The following CALB2 variants were observed in gnomAD, a reference collection of about 807,000 sequenced individuals.
CALB2 encodes calbindin 2.
Under a neutral mutation model 45.9 loss-of-function variants are expected in CALB2, and 34 were observed. The observed-to-expected ratio is 0.74, with a 90% CI of 0.56 to 0.99. The LOEUF is 0.99. Among genes scored for constraint, CALB2 ranks in the 50% least tolerant of loss-of-function variants. The probability of loss-of-function intolerance (pLI) is 0.00; values close to 1 mark genes in which losing one functional copy is unlikely to be tolerated. For synonymous variants in CALB2, 142 were observed against 129.6 expected, an observed-to-expected ratio of 1.10 and a Z score of -0.65; for missense variants, 344 against 339.3, an observed-to-expected ratio of 1.01 and a Z score of -0.11.
At chr16:71,383,254 C>A (rs1474670878) in intron 5 of CALB2, 113 bp from the exon 6 acceptor site, 38 of 966,400 alleles carry the variant, frequency 3.9e-5, no homozygotes, top group Non-Finnish European at 1.6e-5. Context: ...AACTGGTAGA[C>A]CTGAAAAACA....
chr16:71,382,757 C>G lies in CALB2; in HGVS notation c.381C>G (p.Ile127Met). The G allele has an allele frequency of 1.2e-6, 2 of 1,611,770 alleles. No individual in the cohort carries two copies. The highest frequency in any genetic ancestry group is 1.7e-6 in the Non-Finnish European group (2 of 1,178,962). The change falls in exon 5 of 11, where the codon ATC (isoleucine) becomes ATG (methionine). Residue 127 changes from isoleucine to methionine, a missense_variant. This residue lies in a region of CALB2 where 263 missense variants were observed against 241.7 expected (regional missense o/e 1.09). Coordinates refer to ENST00000302628, the MANE Select transcript of CALB2 (RefSeq NM_001740.5). ...RKYDTDRSGYIEANELKGFLS... is the reference protein window; with the variant it reads ...RKYDTDRSGYMEANELKGFLS... Reference sequence around the variant, plus strand: ...ACGACACAGACAGGAGTGGCTACATCGAAGCCAATGAGCTCAAGGTAGGAT... The same window carrying G: ...ACGACACAGACAGGAGTGGCTACATGGAAGCCAATGAGCTCAAGGTAGGAT...
chr16:71,376,242 C>T (rs947606309), intron 3 of CALB2, among the ~76,000 whole-genome samples: 1 of 152,136 alleles, frequency 6.6e-6, no homozygotes, highest in African/African-American at 2.4e-5. Flanking sequence ...GGTGTGGCCA[C>T]GTCTTATAAA....
At chr16:71,360,001 G>T (rs1170614760) in intron 1 of CALB2, among the ~76,000 whole-genome samples, 1 of 152,232 alleles carries the variant, frequency 6.6e-6, no homozygotes, top group African/African-American at 2.4e-5. Context: ...CCACTGCACT[G>T]CACAGCCCCC....
intron 7 of CALB2, 122 bp from the exon 8 acceptor site, chr16:71,384,217 C>T: frequency 2.0e-6 from 2 of 1,002,128 alleles, no homozygotes; most frequent in Non-Finnish European, 1.6e-6. Context: ...CCCACTGATT[C>T]ATTATGTGTG....
At chr16:71,377,638 CGTT>C in intron 3 of CALB2, 26 bp from the exon 4 acceptor site, 1 of 1,544,344 alleles carries the variant, frequency 6.5e-7, no homozygotes, top group South Asian at 1.1e-5. Flanking sequence ...CCCTCCATAA[CGTT>C]AGTGTCGCTC....
intron 9 of CALB2, among the ~76,000 whole-genome samples, chr16:71,385,162 G>A (rs1344456888): frequency 6.6e-6 from 1 of 152,104 alleles, no homozygotes; most frequent in African/African-American, 2.4e-5. Flanking sequence ...TTCTGCCCAG[G>A]GCCAAGTCTT....
At chr16:71,362,658 T>A (rs754571094) in intron 1 of CALB2, among the ~76,000 whole-genome samples, 10 of 152,216 alleles carry the variant, frequency 6.6e-5, no homozygotes, top group Non-Finnish European at 1.3e-4. Flanking sequence ...TATTAAGATA[T>A]TGTTTAAAAC....
chr16:71,368,380 G>A (rs369104475), intron 1 of CALB2, among the ~76,000 whole-genome samples: 50 of 152,298 alleles, frequency 3.3e-4, no homozygotes, highest in African/African-American at 1.1e-3. Flanking sequence ...ATTCAGGCAT[G>A]TGCCCGTCGT....
intron 1 of CALB2, among the ~76,000 whole-genome samples, chr16:71,370,140 A>G (rs1028115113): frequency 6.6e-6 from 1 of 152,206 alleles, no homozygotes. Context: ...TACATAATTT[A>G]TCTCATGTGA....
chr16:71,376,974 G>A (rs1040789616), intron 3 of CALB2, among the ~76,000 whole-genome samples: 4 of 152,152 alleles, frequency 2.6e-5, no homozygotes, highest in African/African-American at 4.8e-5. Context: ...ACTGGGTCAC[G>A]TGCCTACCTG....
At chr16:71,372,778 A>T (rs1211255791) in intron 2 of CALB2, among the ~76,000 whole-genome samples, 1 of 152,214 alleles carries the variant, frequency 6.6e-6, no homozygotes, top group Non-Finnish European at 1.5e-5. Flanking sequence ...ATGTCTCCAA[A>T]CATTGCCAAA....
chr16:71,380,757 T>C (rs2042481738), intron 4 of CALB2, among the ~76,000 whole-genome samples: 1 of 152,180 alleles, frequency 6.6e-6, no homozygotes, highest in Admixed American at 6.5e-5. Flanking sequence ...GTTCCATTTT[T>C]ACCAGCCAGA....
intron 1 of CALB2, among the ~76,000 whole-genome samples, chr16:71,369,008 C>A (rs140950417): frequency 9.2e-5 from 14 of 152,240 alleles, no homozygotes; most frequent in African/African-American, 2.9e-4. Flanking sequence ...CTGTACTTTA[C>A]TTCTTTGGGT....
chr16:71,382,922 G>C (rs1191099700), intron 5 of CALB2, 147 bp downstream of exon 5: 1 of 715,798 alleles, frequency 1.4e-6, no homozygotes, highest in Non-Finnish European at 2.3e-6. Context: ...GACTTGTTTA[G>C]AGAAGTCAGG....
chr16:71,382,457 C>A (rs1021705335), intron 4 of CALB2, among the ~76,000 whole-genome samples: 1 of 152,210 alleles, frequency 6.6e-6, no homozygotes, highest in Non-Finnish European at 1.5e-5. Context: ...TGATTACATC[C>A]CACTTTCGAT....
intron 5 of CALB2, 100 bp downstream of exon 5, chr16:71,382,875 C>A: frequency 9.3e-7 from 1 of 1,079,482 alleles, no homozygotes; most frequent in Non-Finnish European, 1.4e-6. Flanking sequence ...AGTTTGCGGG[C>A]TGCTTAGGAA....
rs150490891 is a variant in CALB2, at chr16:71,361,229, C to T, written c.94+2343C>T. ...GGAAGTCCCAAGGAAAGGCCATGGA[C>T]CCGACAGAGAAGGAGGGCCATGAGG... On this transcript the variant is annotated intron_variant, in intron 1 of 10. Coordinates refer to ENST00000302628, the MANE Select transcript of CALB2 (RefSeq NM_001740.5). Among the ~76,000 whole-genome samples the T allele has an allele frequency of 7.1e-3, 1,086 of 152,266 alleles. 23 individuals are homozygous for T. Among genetic ancestry groups the T allele is most frequent in the Admixed American group, 0.028 (431 of 15,294 alleles).
chr16:71,388,997 CAAAAAAAAA>C (rs146702342), intron 10 of CALB2, among the ~76,000 whole-genome samples: 3 of 60,688 alleles, frequency 4.9e-5, no homozygotes, highest in African/African-American at 1.5e-4. Flanking sequence ...GACTCCATCT[CAAAAAAAAA>C]AAAAAAAAAA....
chr16:71,389,137 G>T (rs370958789), intron 10 of CALB2, among the ~76,000 whole-genome samples: 1 of 151,518 alleles, frequency 6.6e-6, no homozygotes, highest in East Asian at 1.9e-4. Context: ...GCAGTGAGCC[G>T]AGATCGTGTC....
Sources: allele counts gnomAD v4.1 joint callset (sites outside exome capture counted in the v4.1 genomes callset), GRCh38; gene constraint gnomAD v4.1.1; regional missense constraint gnomAD v4.1.1; transcripts MANE v1.5; gene names NCBI Gene and HGNC (gene_info 2026-07-23, HGNC 2026-07-21).